The following PDZD2 variants were observed in gnomAD, a reference collection of about 807,000 sequenced individuals.
PDZD2 encodes PDZ domain-containing protein 2.
A neutral mutation model predicts 220.7 loss-of-function variants in PDZD2; 90 were observed. That is an observed-to-expected ratio of 0.41 (90% CI 0.34 to 0.49). The LOEUF (loss-of-function observed/expected upper bound fraction) is 0.49, where lower values mean the gene tolerates loss of function less well. Among genes scored for constraint, PDZD2 ranks in the 20% least tolerant of loss-of-function variants. PDZD2 has a pLI of 0.28. For synonymous variants in PDZD2, 1,375 were observed against 1,450.5 expected (o/e 0.95, Z 1.18); for missense variants, 3,174 against 3,608.5 (o/e 0.88, Z 3.08).
chr5:32,012,144 G>A (rs1427599447), intron 6 of PDZD2, among the ~76,000 whole-genome samples: 8 of 151,954 alleles, frequency 5.3e-5, no homozygotes, highest in East Asian at 1.9e-4. Flanking sequence ...CATTGCTCTC[G>A]TCCCCTCCTG....
intron 2 of PDZD2, chr5:31,847,167 AT>A: frequency 6.1e-6 from 1 of 163,806 alleles, no homozygotes; most frequent in Admixed American, 6.0e-5. Context: ...TGAAGGAAAC[AT>A]TGGATTATTG....
intron 6 of PDZD2, among the ~76,000 whole-genome samples, chr5:32,021,443 C>T (rs1467957954): frequency 2.6e-5 from 4 of 151,996 alleles, no homozygotes; most frequent in Non-Finnish European, 5.9e-5. Flanking sequence ...ATTACAGGCA[C>T]CTGCCACCAT....
chr5:31,770,689 C>T (rs536677201), intron 1 of PDZD2, among the ~76,000 whole-genome samples: 1 of 152,188 alleles, frequency 6.6e-6, no homozygotes, highest in African/African-American at 2.4e-5. Flanking sequence ...CCAGAATAGC[C>T]TGATGTAAAT....
At chr5:32,057,761 A>G (rs200673081) in intron 11 of PDZD2, 33 bp downstream of exon 11, 3 of 1,462,670 alleles carry the variant, frequency 2.1e-6, no homozygotes, top group African/African-American at 1.4e-5. Flanking sequence ...CCTTTATCCT[A>G]TTTTCCTTTC....
intron 2 of PDZD2, among the ~76,000 whole-genome samples, chr5:31,922,092 C>A (rs747075286): frequency 4.1e-5 from 3 of 72,572 alleles, no homozygotes; most frequent in Admixed American, 1.7e-4. Context: ...AGAGAAAATT[C>A]TTCTTGTGGG....
chr5:31,740,956 G>A (rs1383255351), intron 1 of PDZD2, among the ~76,000 whole-genome samples: 2 of 152,102 alleles, frequency 1.3e-5, no homozygotes, highest in African/African-American at 2.4e-5. Context: ...TTCAACTTTA[G>A]CAGAACTCAT....
chr5:31,656,364 A>G (rs1445749071), intron 1 of PDZD2, among the ~76,000 whole-genome samples: 2 of 152,048 alleles, frequency 1.3e-5, no homozygotes, highest in Admixed American at 6.5e-5. Context: ...TACCTAGCAC[A>G]TGTTGCTTTG....
intron 2 of PDZD2, among the ~76,000 whole-genome samples, chr5:31,818,669 A>G (rs1755623060): frequency 6.6e-6 from 1 of 152,090 alleles, no homozygotes; most frequent in Non-Finnish European, 1.5e-5. Flanking sequence ...TCATTTTAGA[A>G]CAACATATTT....
chr5:32,003,340 C>T (rs1287630203), intron 5 of PDZD2, among the ~76,000 whole-genome samples: 4 of 64,736 alleles, frequency 6.2e-5, no homozygotes, highest in Admixed American at 1.8e-4. Context: ...CCCACCACAC[C>T]ACACACACAC....
At chr5:31,824,050 G>A (rs912301063) in intron 2 of PDZD2, among the ~76,000 whole-genome samples, 14 of 152,184 alleles carry the variant, frequency 9.2e-5, no homozygotes, top group East Asian at 3.8e-4. Flanking sequence ...TAGGGAGGGC[G>A]TCTTTCACAT....
chr5:32,068,575 G>T (rs1300180521), intron 14 of PDZD2, among the ~76,000 whole-genome samples: 1 of 152,164 alleles, frequency 6.6e-6, no homozygotes, highest in Non-Finnish European at 1.5e-5. Context: ...GCTAGTCCCA[G>T]ACTACAGACA....
intron 2 of PDZD2, among the ~76,000 whole-genome samples, chr5:31,918,741 TC>T (rs1443494860): frequency 7.9e-5 from 12 of 152,278 alleles, no homozygotes; most frequent in Middle Eastern, 3.4e-3. Flanking sequence ...TGCAGTTCCC[TC>T]CTGAGTGGAC....
chr5:31,686,526 G>A (rs1331030340), intron 1 of PDZD2, among the ~76,000 whole-genome samples: 2 of 151,810 alleles, frequency 1.3e-5, no homozygotes, highest in South Asian at 4.2e-4. Flanking sequence ...ACCACACCTG[G>A]CTGAATTTTT....
intron 2 of PDZD2, among the ~76,000 whole-genome samples, chr5:31,923,943 G>A (rs897249267): frequency 5.3e-5 from 8 of 152,074 alleles, no homozygotes; most frequent in African/African-American, 1.9e-4. Flanking sequence ...ACCCACCTGG[G>A]CTGCACCTCC....
At chr5:31,798,002 C>T (rs574722640) in intron 1 of PDZD2, among the ~76,000 whole-genome samples, 6 of 151,992 alleles carry the variant, frequency 3.9e-5, no homozygotes, top group African/African-American at 7.3e-5. Flanking sequence ...GTGGAGAAGG[C>T]GAGTTGGCAG....
chr5:31,752,699 G>A (rs1751081178), intron 1 of PDZD2, among the ~76,000 whole-genome samples: 1 of 152,132 alleles, frequency 6.6e-6, no homozygotes, highest in African/African-American at 2.4e-5. Context: ...ATAGGCATGA[G>A]CCACCATGCT....
chr5:32,092,446 C>T (rs189747557), intron 20 of PDZD2, among the ~76,000 whole-genome samples: 1 of 151,900 alleles, frequency 6.6e-6, no homozygotes, highest in Admixed American at 6.6e-5. Context: ...GTGGCAGGTG[C>T]CTGTGATCCC....
chr5:31,682,418 G>A lies in PDZD2; in HGVS notation c.-361+42981G>A, dbSNP rs1027830389. Among the ~76,000 whole-genome samples the A allele has an allele frequency of 2.0e-5, 3 of 152,150 alleles. 1 individual carries two copies. Among genetic ancestry groups the A allele is most frequent in the South Asian group, 4.1e-4 (2 of 4,824 alleles). On this transcript the variant is annotated intron_variant, in intron 1 of 24. Transcript: ENST00000438447. The stretch of plus-strand genomic sequence containing the variant: ...TTCCGGAAGCCTGGCTTCCAATAAA[G>A]GTGGTTAATTGGGAGAAGTGGAATG...
intron 1 of PDZD2, among the ~76,000 whole-genome samples, chr5:31,745,609 G>A (rs1229524216): frequency 1.3e-5 from 2 of 152,034 alleles, no homozygotes; most frequent in African/African-American, 4.8e-5. Flanking sequence ...CATTAGAGTC[G>A]TCCATTTTTG....
Sources: gnomAD v4.1 joint callset for allele counts (sites outside exome capture counted in the v4.1 genomes callset) on GRCh38, gnomAD v4.1.1 for gene constraint, MANE v1.5 for transcripts, NCBI Gene and HGNC (gene_info 2026-07-23, HGNC 2026-07-21) for gene names.